Variants in PPP2R5A observed in about 807,000 individuals in gnomAD.
PPP2R5A encodes the protein serine/threonine-protein phosphatase 2A 56 kDa regulatory subunit alpha isoform.
A neutral mutation model predicts 64.2 loss-of-function variants in PPP2R5A; 25 were observed. The ratio of observed to expected loss-of-function variants is 0.39; its 90% confidence interval spans 0.28 to 0.54. The LOEUF (loss-of-function observed/expected upper bound fraction) is 0.54, where lower values mean the gene tolerates loss of function less well. PPP2R5A is among the 20% of genes least tolerant of loss of function. The pLI is 0.67. For missense variants in PPP2R5A, 425 were observed against 576.3 expected (o/e 0.74, Z 2.69); for synonymous variants, 198 against 201.2 (o/e 0.98, Z 0.13).
At chr1:212,340,262 T>C (rs1659665426) in intron 3 of PPP2R5A, among the ~76,000 whole-genome samples, 1 of 152,148 alleles carries the variant, frequency 6.6e-6, no homozygotes, top group African/African-American at 2.4e-5. Flanking sequence ...GGGCTCAAGT[T>C]GCATATCCTC....
intron 1 of PPP2R5A, among the ~76,000 whole-genome samples, chr1:212,314,152 G>A (rs964753762): frequency 6.6e-6 from 1 of 152,124 alleles, no homozygotes; most frequent in Admixed American, 6.6e-5. Flanking sequence ...AGCTCAGACC[G>A]CATGGAGAGG....
chr1:212,291,308 C>T (rs576361487), intron 1 of PPP2R5A, among the ~76,000 whole-genome samples: 1 of 152,212 alleles, frequency 6.6e-6, no homozygotes, highest in African/African-American at 2.4e-5. Flanking sequence ...TTTTGAACTC[C>T]TGACCCCAGG....
intron 1 of PPP2R5A, among the ~76,000 whole-genome samples, chr1:212,310,273 G>T (rs1179545554): frequency 6.6e-6 from 1 of 151,100 alleles, no homozygotes; most frequent in Admixed American, 6.6e-5. Flanking sequence ...CTAACATCAG[G>T]AGGGCTCCAC....
chr1:212,354,012 G>A (rs190439740), intron 8 of PPP2R5A, among the ~76,000 whole-genome samples: 270 of 151,894 alleles, frequency 1.8e-3, no homozygotes, highest in Middle Eastern at 3.4e-3. Flanking sequence ...GTGAAACCCC[G>A]TCTCTACTAA....
chr1:212,309,036 G>C (rs1658974023), intron 1 of PPP2R5A: 1 of 690,942 alleles, frequency 1.4e-6, no homozygotes, highest in Admixed American at 1.9e-5. Context: ...TATTTAGCCA[G>C]CTAGACTCAG....
At chr1:212,354,601 TTAAGCCTAGGAGTTCAAGGTTACAA>T (rs1202547514) in intron 8 of PPP2R5A, among the ~76,000 whole-genome samples, 50 of 152,054 alleles carry the variant, frequency 3.3e-4, no homozygotes, top group Middle Eastern at 3.4e-3. Flanking sequence ...GGAGGATCAT[TTAAGCCTAGGAGTTCAAGGTTACAA>T]TAAGCCTAGG....
chr1:212,353,086 C>A, intron 8 of PPP2R5A: 1 of 409,984 alleles, frequency 2.4e-6, no homozygotes, highest in Non-Finnish European at 4.8e-6. Context: ...AGTTGAGTCT[C>A]ATATAAAGTG....
intron 8 of PPP2R5A, among the ~76,000 whole-genome samples, chr1:212,355,218 T>C (rs1173254615): frequency 6.6e-6 from 1 of 152,170 alleles, no homozygotes; most frequent in Non-Finnish European, 1.5e-5. Context: ...GTATTGATTT[T>C]TATATATGTA....
intron 8 of PPP2R5A, among the ~76,000 whole-genome samples, chr1:212,350,729 C>T (rs1659860349): frequency 6.6e-6 from 1 of 151,714 alleles, no homozygotes; most frequent in South Asian, 2.1e-4. Context: ...AAAAGAAAAC[C>T]CATAATAACA....
intron 1 of PPP2R5A, chr1:212,299,536 A>T (rs1658761454): frequency 6.6e-6 from 1 of 152,180 alleles, no homozygotes; most frequent in South Asian, 2.1e-4. Context: ...TCTCAATTTG[A>T]TAGAGGAAAA....
chr1:212,290,295 A>G (rs1658577264), intron 1 of PPP2R5A, among the ~76,000 whole-genome samples: 1 of 152,242 alleles, frequency 6.6e-6, no homozygotes, highest in African/African-American at 2.4e-5. Context: ...TAAGTTCTAT[A>G]GCTAAACCTT....
At chr1:212,342,650 T>C (rs889532286) in intron 4 of PPP2R5A, among the ~76,000 whole-genome samples, 1 of 152,212 alleles carries the variant, frequency 6.6e-6, no homozygotes, top group Admixed American at 6.5e-5. Context: ...ATTTTAAGCA[T>C]TGGGACTTTG....
At chr1:212,333,380 G>A in intron 2 of PPP2R5A, 117 bp from the exon 3 acceptor site, 1 of 541,348 alleles carries the variant, frequency 1.8e-6, no homozygotes, top group East Asian at 3.4e-5. Flanking sequence ...TACAGATTTT[G>A]AACTAAGCTT....
intron 3 of PPP2R5A, among the ~76,000 whole-genome samples, chr1:212,339,368 G>A (rs1271526260): frequency 6.6e-6 from 1 of 152,068 alleles, no homozygotes; most frequent in Non-Finnish European, 1.5e-5. Context: ...GTAGAGACGG[G>A]ATTTCTGCAT....
intron 11 of PPP2R5A, 192 bp downstream of exon 11, chr1:212,357,476 G>C (rs913315242): frequency 2.0e-6 from 1 of 491,432 alleles, no homozygotes; most frequent in African/African-American, 2.0e-5. Context: ...TGTTTGTTCA[G>C]TATGTGGTCT....
At chr1:212,336,329 A>T (rs371059660) in intron 3 of PPP2R5A, among the ~76,000 whole-genome samples, 1 of 152,006 alleles carries the variant, frequency 6.6e-6, no homozygotes, top group Non-Finnish European at 1.5e-5. Flanking sequence ...TTGGCCAGGC[A>T]GGTCTCGAAC....
At chr1:212,342,864 C>CTT (rs1410401524) in intron 4 of PPP2R5A, among the ~76,000 whole-genome samples, 1 of 151,628 alleles carries the variant, frequency 6.6e-6, no homozygotes, top group Non-Finnish European at 1.5e-5. Context: ...TTTTTATAAA[C>CTT]TGCTTATTAG....
chr1:212,315,315 C>T (rs181746832), intron 1 of PPP2R5A, among the ~76,000 whole-genome samples: 2 of 152,266 alleles, frequency 1.3e-5, no homozygotes, highest in East Asian at 3.9e-4. Context: ...TCATCATGAA[C>T]ACTATGCTTC....
At chr1:212,330,139 T>A (rs1337822700) in intron 2 of PPP2R5A, among the ~76,000 whole-genome samples, 1 of 152,220 alleles carries the variant, frequency 6.6e-6, no homozygotes, top group African/African-American at 2.4e-5. Context: ...GCTTGCTGTT[T>A]ATTAATAATT....
Sources: gnomAD v4.1 joint callset for allele counts (sites outside exome capture counted in the v4.1 genomes callset) on GRCh38, gnomAD v4.1.1 for gene constraint, MANE v1.5 for transcripts, NCBI Gene and HGNC (gene_info 2026-07-23, HGNC 2026-07-21) for gene names.